The following COL22A1 variants were observed in gnomAD, a reference collection of about 807,000 sequenced individuals.
COL22A1 encodes collagen alpha-1(XXII) chain.
COL22A1 carries 221 observed loss-of-function variants against 248.9 expected under a neutral mutation model. That is an observed-to-expected ratio of 0.89 (90% confidence interval 0.80 to 0.99). The LOEUF (loss-of-function observed/expected upper bound fraction) is 0.99. Ranked by LOEUF, COL22A1 falls within the 50% of genes least tolerant of loss-of-function variation. The pLI is 0.00. For missense variants in COL22A1, 2,240 were observed against 2,179.0 expected, an observed-to-expected ratio of 1.03 and a Z score of -0.56; for synonymous variants, 891 against 793.4, an observed-to-expected ratio of 1.12 and a Z score of -2.07.
Position 138,690,807 on chromosome 8 carries a change from T to C in COL22A1, c.2808+14A>G. ...GTGGCTGGGCCGTGCGTATGCCCTC[T>C]CCCAATTACTCACCACACTTCCTGG... On this transcript the variant is annotated intron_variant, in intron 36 of 64. Transcript: ENST00000303045. The C allele has an allele frequency of 6.2e-7, 1 of 1,604,280 alleles. No homozygotes were observed. Among genetic ancestry groups the C allele is most frequent in the Non-Finnish European group, 8.5e-7 (1 of 1,175,168 alleles).
At chr8:138,690,723 C>G in intron 36 of COL22A1, 98 bp downstream of exon 36, 1 of 877,648 alleles carries the variant, frequency 1.1e-6, no homozygotes, top group South Asian at 2.2e-5. Flanking sequence ...AAGGATCCTC[C>G]CCTTACTCCC....
intron 1 of COL22A1, among the ~76,000 whole-genome samples, chr8:138,900,471 T>G (rs1481843239): frequency 6.6e-6 from 1 of 152,238 alleles, no homozygotes; most frequent in African/African-American, 2.4e-5. Flanking sequence ...ACCTCCTTCT[T>G]TATGCTATGG....
chr8:138,746,059 G>A (rs752864267), intron 22 of COL22A1, among the ~76,000 whole-genome samples: 36 of 152,364 alleles, frequency 2.4e-4, no homozygotes, highest in Non-Finnish European at 4.6e-4. Context: ...GGCGTGGAGC[G>A]TGCCTCGCTC....
chr8:138,772,333 G>A (rs186468738), intron 16 of COL22A1, among the ~76,000 whole-genome samples: 6 of 152,336 alleles, frequency 3.9e-5, no homozygotes, highest in Admixed American at 3.3e-4. Flanking sequence ...ACATATGTGT[G>A]TGGGGGTGGG....
At position 138,662,038 on chromosome 8, in the gene COL22A1, C is replaced by T; in HGVS notation, c.3232G>A (p.Gly1078Ser). Residue 1078 changes from glycine to serine, a missense_variant, in exon 43 of 65, where the codon GGC becomes AGC. Gly to Ser is a moderately conservative substitution (Grantham distance 56). Coordinates refer to ENST00000303045, the MANE Select transcript of COL22A1 (RefSeq NM_152888.3). ...CATTTCTCTGTACTTACGTCCCGGCCGGCTGGGCCCTGGGGGCCAGGGAAT... is the reference window on the plus strand; with the variant it reads ...CATTTCTCTGTACTTACGTCCCGGCTGGCTGGGCCCTGGGGGCCAGGGAAT... ...PGFPGPQGPA[G>S]RDGAPGNPGE... The T allele has an allele frequency of 1.9e-6, 3 of 1,611,836 alleles. No individual in the cohort carries two copies. Among genetic ancestry groups the T allele is most frequent in the South Asian group, 1.1e-5 (1 of 90,556 alleles).
intron 21 of COL22A1, among the ~76,000 whole-genome samples, chr8:138,754,829 T>C (rs1268459359): frequency 6.6e-6 from 1 of 152,212 alleles, no homozygotes; most frequent in African/African-American, 2.4e-5. Flanking sequence ...TTTATTCTAC[T>C]TTATCTGAAT....
chr8:138,818,254 C>T (rs1818838704), intron 7 of COL22A1, among the ~76,000 whole-genome samples: 3 of 152,156 alleles, frequency 2.0e-5, no homozygotes, highest in South Asian at 2.1e-4. Context: ...GACAGTAGAA[C>T]CATGGAGCTC....
intron 30 of COL22A1, among the ~76,000 whole-genome samples, chr8:138,707,129 A>T (rs1828531047): frequency 6.6e-6 from 1 of 152,226 alleles, no homozygotes; most frequent in South Asian, 2.1e-4. Context: ...AGGCTCTGAA[A>T]TTGAGGCAAT....
At chr8:138,903,242 A>G (rs1004323824) in intron 1 of COL22A1, among the ~76,000 whole-genome samples, 15 of 152,240 alleles carry the variant, frequency 9.9e-5, no homozygotes, top group Admixed American at 3.3e-4. Flanking sequence ...AAGCCAGGAC[A>G]TTGTTCCAGG....
intron 57 of COL22A1, among the ~76,000 whole-genome samples, chr8:138,607,393 C>T (rs918902569): frequency 6.6e-6 from 1 of 152,134 alleles, no homozygotes; most frequent in African/African-American, 2.4e-5. Flanking sequence ...CCCACCATGT[C>T]TCCCCACCTA....
At chr8:138,616,874 G>A (rs1269140636) in intron 54 of COL22A1, 40 bp downstream of exon 54, 1 of 1,611,954 alleles carries the variant, frequency 6.2e-7, no homozygotes, top group Non-Finnish European at 8.5e-7. Context: ...TGTAAGCTCT[G>A]CCCACCTGGG....
chr8:138,608,475 G>A (rs1026669752), intron 56 of COL22A1, among the ~76,000 whole-genome samples: 15 of 152,088 alleles, frequency 9.9e-5, no homozygotes, highest in Admixed American at 7.2e-4. Context: ...TTTAAAATAC[G>A]TAGATACTGA....
intron 5 of COL22A1, among the ~76,000 whole-genome samples, chr8:138,829,129 C>T (rs1819824701): frequency 6.6e-6 from 1 of 152,220 alleles, no homozygotes; most frequent in South Asian, 2.1e-4. Flanking sequence ...TCTCAGTTTA[C>T]ATCTCCAGGC....
intron 12 of COL22A1, among the ~76,000 whole-genome samples, chr8:138,788,795 A>C (rs191508030): frequency 1.3e-5 from 2 of 152,246 alleles, no homozygotes; most frequent in Non-Finnish European, 2.9e-5. Context: ...AACGTTTATG[A>C]GCACTTTTTA....
At chr8:138,703,552 A>G (rs1828145307) in intron 30 of COL22A1, among the ~76,000 whole-genome samples, 1 of 152,202 alleles carries the variant, frequency 6.6e-6, no homozygotes, top group African/African-American at 2.4e-5. Context: ...ACTATTTCAG[A>G]CATATAAAAA....
At chr8:138,698,949 A>G (rs1349098008) in intron 32 of COL22A1, among the ~76,000 whole-genome samples, 1 of 152,222 alleles carries the variant, frequency 6.6e-6, no homozygotes, top group Non-Finnish European at 1.5e-5. Context: ...CTGAAAGTGT[A>G]TTTTTATTGT....
intron 55 of COL22A1, among the ~76,000 whole-genome samples, chr8:138,614,711 G>C (rs1212347375): frequency 6.8e-6 from 1 of 146,504 alleles, no homozygotes; most frequent in Non-Finnish European, 1.5e-5. Flanking sequence ...CAGCTTCTGA[G>C]AAGCCCCTTT....
intron 1 of COL22A1, among the ~76,000 whole-genome samples, chr8:138,903,185 T>G (rs529935892): frequency 6.6e-6 from 1 of 152,162 alleles, no homozygotes; most frequent in Non-Finnish European, 1.5e-5. Context: ...ATCCCCACCA[T>G]AGCCTGATGT....
rs183021529 is a variant in COL22A1 at position 138,794,341 on chromosome 8, C to T, written c.1596+2478G>A. Among the ~76,000 whole-genome samples the T allele has an allele frequency of 5.6e-4, 85 of 151,284 alleles. 1 individual carries two copies. The highest frequency in any genetic ancestry group is 9.1e-4 in the Non-Finnish European group (62 of 67,924). On this transcript the variant is annotated intron_variant, in intron 12 of 64. Coordinates refer to ENST00000303045, the MANE Select transcript of COL22A1 (RefSeq NM_152888.3). The stretch of plus-strand genomic sequence containing the variant: ...GGCAGAGGTTGCAGTGAACCAAGAT[C>T]GTGCCATTGCACTCTAGCCTGGCGA...
Sources: allele counts gnomAD v4.1 joint callset (sites outside exome capture counted in the v4.1 genomes callset), GRCh38; gene constraint gnomAD v4.1.1; transcripts MANE v1.5; gene names NCBI Gene and HGNC (gene_info 2026-07-23, HGNC 2026-07-21).